DLC1: variants seen among roughly 807,000 people sequenced by gnomAD.
DLC1 encodes rho GTPase-activating protein 7.
In DLC1, 54 loss-of-function variants were observed where a neutral mutation model predicts 140.3. The ratio of observed to expected loss-of-function variants is 0.38; its 90% CI spans 0.31 to 0.48. The LOEUF (loss-of-function observed/expected upper bound fraction) is 0.48, where lower values mean the gene tolerates loss of function less well. Ranked by LOEUF, DLC1 falls within the 20% of genes least tolerant of loss-of-function variation. The pLI, the probability that DLC1 is intolerant of heterozygous loss-of-function variation, is 0.96. For synonymous variants in DLC1, 986 were observed against 728.1 expected, an observed-to-expected ratio of 1.35 and a Z score of -5.70; for missense variants, 2,536 against 1,907.0, an observed-to-expected ratio of 1.33 and a Z score of -6.14.
At chr8:13,107,445 T>G (rs1819662151) in intron 7 of DLC1, among the ~76,000 whole-genome samples, 1 of 152,204 alleles carries the variant, frequency 6.6e-6, no homozygotes, top group Admixed American at 6.5e-5. Flanking sequence ...GGGAAAGATT[T>G]TGTAAAATGT....
chr8:13,490,131 TC>T (rs1418342989), intron 2 of DLC1, among the ~76,000 whole-genome samples: 1 of 152,220 alleles, frequency 6.6e-6, no homozygotes, highest in Non-Finnish European at 1.5e-5. Context: ...TCCAAGCCAT[TC>T]ATTTTCTAGA....
At chr8:13,546,961 A>G (rs956516960) in intron 1 of DLC1, among the ~76,000 whole-genome samples, 17 of 152,118 alleles carry the variant, frequency 1.1e-4, no homozygotes, top group Non-Finnish European at 1.9e-4. Context: ...ATTAAGTTGT[A>G]TATATAAAAA....
chr8:13,334,996 T>G (rs1315860694), intron 4 of DLC1, among the ~76,000 whole-genome samples: 1 of 152,148 alleles, frequency 6.6e-6, no homozygotes, highest in Non-Finnish European at 1.5e-5. Context: ...ACAGAAAATC[T>G]GGCTCAGGGG....
At chr8:13,278,873 G>T (rs999239157) in intron 5 of DLC1, among the ~76,000 whole-genome samples, 1 of 152,144 alleles carries the variant, frequency 6.6e-6, no homozygotes, top group African/African-American at 2.4e-5. Context: ...ATCATGTATA[G>T]GTATTATTAT....
intron 10 of DLC1, among the ~76,000 whole-genome samples, chr8:13,097,935 G>C (rs1436207768): frequency 6.7e-6 from 1 of 148,548 alleles, no homozygotes; most frequent in Non-Finnish European, 1.5e-5. Context: ...TGTAATTCCA[G>C]CAACTTGGGA....
intron 1 of DLC1, among the ~76,000 whole-genome samples, chr8:13,587,541 C>CTA (rs1491405273): frequency 7.6e-6 from 1 of 131,206 alleles, no homozygotes; most frequent in Non-Finnish European, 1.7e-5. Context: ...ACAAATGTGA[C>CTA]TATACACACA....
chr8:13,516,713 GA>G (rs1802600791), upstream of DLC1, among the ~76,000 whole-genome samples: 1 of 152,174 alleles, frequency 6.6e-6, no homozygotes, highest in African/African-American at 2.4e-5. Context: ...GGCCAAGAAA[GA>G]AGTCTGTTCT....
At chr8:13,303,422 A>G (rs961469975) in intron 5 of DLC1, among the ~76,000 whole-genome samples, 2 of 152,232 alleles carry the variant, frequency 1.3e-5, no homozygotes, top group Non-Finnish European at 2.9e-5. Flanking sequence ...CATTAAAAAA[A>G]TTGTTGTTCT....
intron 5 of DLC1, among the ~76,000 whole-genome samples, chr8:13,196,201 G>T (rs1437473666): frequency 1.3e-5 from 2 of 151,762 alleles, no homozygotes; most frequent in African/African-American, 4.8e-5. Context: ...GGACTGGAGA[G>T]GTGTTTAAAA....
intron 6 of DLC1, among the ~76,000 whole-genome samples, chr8:13,114,588 TA>T (rs1316677217): frequency 1.3e-5 from 2 of 152,096 alleles, no homozygotes; most frequent in Non-Finnish European, 2.9e-5. Context: ...TAATATTCAT[TA>T]AAAGACAACC....
At chr8:13,408,139 A>C (rs1837643720) in intron 2 of DLC1, among the ~76,000 whole-genome samples, 1 of 152,190 alleles carries the variant, frequency 6.6e-6, no homozygotes, top group African/African-American at 2.4e-5. Context: ...ACTTATGTAG[A>C]CTAGCAGGAA....
chr8:13,482,081 T>C (rs1464822062), intron 2 of DLC1, among the ~76,000 whole-genome samples: 1 of 152,148 alleles, frequency 6.6e-6, no homozygotes, highest in Non-Finnish European at 1.5e-5. Context: ...TAGACCACAA[T>C]TACGATGACT....
At chr8:13,425,427 A>G (rs1033151750) in intron 2 of DLC1, among the ~76,000 whole-genome samples, 1 of 152,214 alleles carries the variant, frequency 6.6e-6, no homozygotes, top group African/African-American at 2.4e-5. Context: ...TTGGAAAACA[A>G]ACAGCAGTGG....
chr8:13,196,261 T>C (rs1827048333), intron 5 of DLC1, among the ~76,000 whole-genome samples: 1 of 152,190 alleles, frequency 6.6e-6, no homozygotes, highest in African/African-American at 2.4e-5. Context: ...TAAAAAATGA[T>C]AATACAAGTA....
At chr8:13,363,610 A>T (rs1344483374) in intron 4 of DLC1, among the ~76,000 whole-genome samples, 1 of 152,156 alleles carries the variant, frequency 6.6e-6, no homozygotes, top group East Asian at 1.9e-4. Flanking sequence ...TATAGAACCT[A>T]AAGTCATTGG....
chr8:13,481,137 C>G (rs1165711679), intron 2 of DLC1, among the ~76,000 whole-genome samples: 1 of 152,070 alleles, frequency 6.6e-6, no homozygotes, highest in African/African-American at 2.4e-5. Context: ...AATAAATCAA[C>G]AAATAGGCTG....
intron 1 of DLC1, among the ~76,000 whole-genome samples, chr8:13,547,286 T>A (rs942907992): frequency 6.6e-6 from 1 of 152,110 alleles, no homozygotes; most frequent in African/African-American, 2.4e-5. Flanking sequence ...CATAGCTTTT[T>A]GCATAAAACT....
intron 2 of DLC1, among the ~76,000 whole-genome samples, chr8:13,418,965 T>C (rs1290113427): frequency 7.3e-5 from 11 of 151,608 alleles, no homozygotes; most frequent in African/African-American, 2.2e-4. Flanking sequence ...TATTTTATTC[T>C]CTTTGAAGCA....
intron 1 of DLC1, among the ~76,000 whole-genome samples, chr8:13,545,176 GAACT>G (rs1326081456): frequency 1.3e-5 from 2 of 151,862 alleles, no homozygotes; most frequent in Non-Finnish European, 2.9e-5. Flanking sequence ...GTTCACAAAA[GAACT>G]AACATTGCAT....
Sources: gnomAD v4.1 joint callset for allele counts (sites outside exome capture counted in the v4.1 genomes callset) on GRCh38, gnomAD v4.1.1 for gene constraint, MANE v1.5 for transcripts, NCBI Gene and HGNC (gene_info 2026-07-23, HGNC 2026-07-21) for gene names.